PCSK5: variants seen among roughly 807,000 people sequenced by gnomAD.
The protein encoded by PCSK5 is proprotein convertase subtilisin/kexin type 5.
In PCSK5, 129 loss-of-function variants were observed where a neutral mutation model predicts 233.2. The ratio of observed to expected loss-of-function variants is 0.55; its 90% confidence interval spans 0.48 to 0.64. The LOEUF is 0.64. Ranked by LOEUF, PCSK5 falls within the 30% of genes least tolerant of loss-of-function variation. The pLI is 0.00. For synonymous variants in PCSK5, 825 were observed against 879.2 expected (o/e 0.94, Z 1.09); for missense variants, 2,076 against 2,430.1 (o/e 0.85, Z 3.06).
chr9:75,963,683 A>G (rs1329899796), intron 2 of PCSK5, among the ~76,000 whole-genome samples: 2 of 152,228 alleles, frequency 1.3e-5, no homozygotes, highest in African/African-American at 4.8e-5. Context: ...GTTCGAGATC[A>G]GCCTGACCAA....
Position 76,358,565 on chromosome 9 carries a change from G to A in PCSK5, c.5307G>A (p.Lys1769=). ...SKVRPATEHF[K]TALFITSSMM... is the part of the protein sequence containing the mutation. Reference sequence around the variant, plus strand: ...TTAGGCCTGCAACTGAGCATTTCAAGACAGCTCTGTTCATCACCTCCTCCA... The same window carrying A: ...TTAGGCCTGCAACTGAGCATTTCAAAACAGCTCTGTTCATCACCTCCTCCA... The change falls in exon 38 of 38, where the codon AAG becomes AAA. Residue 1769 remains lysine, a synonymous_variant. Coordinates refer to ENST00000674117, the MANE Select transcript of PCSK5 (RefSeq NM_001372043.1). 6.2e-7 allele frequency: 1 copy of A among 1,612,704 alleles called. No homozygotes were observed. Among genetic ancestry groups the A allele is most frequent in the Non-Finnish European group, 8.5e-7 (1 of 1,179,800 alleles).
At chr9:76,029,977 A>G (rs1828587483) in intron 5 of PCSK5, among the ~76,000 whole-genome samples, 1 of 152,238 alleles carries the variant, frequency 6.6e-6, no homozygotes, top group South Asian at 2.1e-4. Flanking sequence ...TATTGCCATA[A>G]GTTAAGAATA....
At chr9:76,272,049 G>T (rs1176189713) in intron 24 of PCSK5, among the ~76,000 whole-genome samples, 1 of 152,106 alleles carries the variant, frequency 6.6e-6, no homozygotes, top group Non-Finnish European at 1.5e-5. Flanking sequence ...AGTACATAGA[G>T]TATTTGAATA....
At chr9:76,355,337 G>A (rs1296018909) in intron 37 of PCSK5, among the ~76,000 whole-genome samples, 2 of 152,118 alleles carry the variant, frequency 1.3e-5, no homozygotes, top group African/African-American at 4.8e-5. Context: ...GCCAGGCGTG[G>A]TGGCGGGCGC....
At chr9:75,994,793 C>A (rs1826941409) in intron 3 of PCSK5, among the ~76,000 whole-genome samples, 1 of 152,248 alleles carries the variant, frequency 6.6e-6, no homozygotes, top group Non-Finnish European at 1.5e-5. Context: ...ATTATTAAAA[C>A]CCCCAAGCAA....
At chr9:75,953,097 C>G (rs1411936534) in intron 2 of PCSK5, among the ~76,000 whole-genome samples, 1 of 152,076 alleles carries the variant, frequency 6.6e-6, no homozygotes, top group African/African-American at 2.4e-5. Context: ...GAAAAAATAT[C>G]CTTAATTGCT....
At chr9:76,190,978 C>T (rs906794757) in intron 20 of PCSK5, among the ~76,000 whole-genome samples, 2 of 152,144 alleles carry the variant, frequency 1.3e-5, no homozygotes, top group African/African-American at 4.8e-5. Flanking sequence ...TACCAAGTTT[C>T]CTCACCTCTC....
At chr9:75,912,390 A>G (rs942798356) in intron 1 of PCSK5, among the ~76,000 whole-genome samples, 1 of 152,126 alleles carries the variant, frequency 6.6e-6, no homozygotes, top group African/African-American at 2.4e-5. Flanking sequence ...TGGAGAGGCA[A>G]TGGGAGTGGG....
intron 2 of PCSK5, among the ~76,000 whole-genome samples, chr9:75,963,677 G>A (rs550579176): frequency 6.4e-4 from 97 of 152,278 alleles, no homozygotes; most frequent in Non-Finnish European, 9.9e-4. Context: ...TTAGGAGTTC[G>A]AGATCAGCCT....
chr9:75,891,488 T>TTAGGGC, intron 1 of PCSK5, 115 bp downstream of exon 1: 4 of 841,704 alleles, frequency 4.8e-6, no homozygotes, highest in Non-Finnish European at 7.3e-6. Context: ...GCTGTTGCCC[T>TTAGGGC]AACTCTTGGG....
chr9:76,242,010 C>T (rs1826445949), intron 24 of PCSK5, among the ~76,000 whole-genome samples: 1 of 152,134 alleles, frequency 6.6e-6, no homozygotes, highest in African/African-American at 2.4e-5. Context: ...ATAGAACACT[C>T]ATGAAGTTAC....
chr9:76,029,014 G>A (rs1828547078), intron 5 of PCSK5, among the ~76,000 whole-genome samples: 1 of 152,092 alleles, frequency 6.6e-6, no homozygotes, highest in South Asian at 2.1e-4. Context: ...TATTCTTAAA[G>A]TGCGGCCTAT....
intron 1 of PCSK5, among the ~76,000 whole-genome samples, chr9:75,908,072 A>G (rs890924849): frequency 1.3e-5 from 2 of 152,224 alleles, no homozygotes; most frequent in Non-Finnish European, 2.9e-5. Context: ...GTCCTTAAGG[A>G]GTGGCTTCAG....
At chr9:76,280,010 T>G (rs1445749899) in intron 24 of PCSK5, among the ~76,000 whole-genome samples, 1 of 152,198 alleles carries the variant, frequency 6.6e-6, no homozygotes, top group Non-Finnish European at 1.5e-5. Context: ...ATGTTGCATT[T>G]TTTACAAATT....
chr9:76,176,582 T>C (rs1012985242), intron 14 of PCSK5, among the ~76,000 whole-genome samples: 2 of 152,246 alleles, frequency 1.3e-5, no homozygotes, highest in African/African-American at 4.8e-5. Context: ...TTTTGCAACA[T>C]ACAATCTTTC....
intron 5 of PCSK5, among the ~76,000 whole-genome samples, chr9:76,037,975 C>T (rs1339067127): frequency 3.3e-5 from 5 of 152,258 alleles, no homozygotes; most frequent in Middle Eastern, 3.4e-3. Flanking sequence ...TAGATATCCA[C>T]GCACCAGCTG....
intron 1 of PCSK5, among the ~76,000 whole-genome samples, chr9:75,917,956 A>G (rs757651751): frequency 5.4e-4 from 82 of 152,114 alleles, no homozygotes; most frequent in Non-Finnish European, 9.6e-4. Flanking sequence ...TAATAGTTAC[A>G]ATTATTAGTA....
At position 76,240,985 on chromosome 9, in the gene PCSK5, C is replaced by G. The variant is rs189722317; in HGVS notation, c.3142+301C>G. ...GGCTTACTGACCAGCAACCGCATTT[C>G]AGGTGCCTGAGACTCAGCCTCTCCT... On this transcript the variant is annotated intron_variant, in intron 24 of 37. Coordinates refer to ENST00000674117, the MANE Select transcript of PCSK5 (RefSeq NM_001372043.1). 2.0e-5 allele frequency among the ~76,000 whole-genome samples: 3 copies of G among 152,340 alleles called. No individual in the cohort carries two copies. The East Asian group carries it at 5.8e-4, about 29-fold the overall frequency.
chr9:76,069,996 ATTTTTTTTTT>A (rs146321207), intron 6 of PCSK5, among the ~76,000 whole-genome samples: 1 of 122,590 alleles, frequency 8.2e-6, no homozygotes, highest in African/African-American at 3.2e-5. Context: ...TTCCATTCCA[ATTTTTTTTTT>A]TTTTTTTTTT....
Sources: gnomAD v4.1 joint callset for allele counts (sites outside exome capture counted in the v4.1 genomes callset) on GRCh38, gnomAD v4.1.1 for gene constraint, MANE v1.5 for transcripts, NCBI Gene and HGNC (gene_info 2026-07-23, HGNC 2026-07-21) for gene names.